Variants in CHLSN observed in about 807,000 individuals in gnomAD.
The protein encoded by CHLSN is protein cholesin.
the CHLSN span, among the ~76,000 whole-genome samples, chr7:990,578 T>A: frequency 1.3e-5 from 2 of 151,982 alleles, no homozygotes; most frequent in African/African-American, 4.8e-5. Context: ...ACGGCAGGCC[T>A]CACACTCCCA....
chr7:1,098,029 G>C, the CHLSN span, among the ~76,000 whole-genome samples: 20 of 152,304 alleles, frequency 1.3e-4, no homozygotes, highest in African/African-American at 4.6e-4. Context: ...AGAGCGTCGT[G>C]AAGGATTTTA....
At chr7:1,049,786 G>C in the CHLSN span, among the ~76,000 whole-genome samples, 1 of 152,220 alleles carries the variant, frequency 6.6e-6, no homozygotes. Context: ...AACAGTTTTA[G>C]GACTGTTTTC....
chr7:1,113,331 C>T, the CHLSN span, among the ~76,000 whole-genome samples: 1 of 152,162 alleles, frequency 6.6e-6, no homozygotes, highest in Non-Finnish European at 1.5e-5. Context: ...TTCACACTGT[C>T]CCCCAGCAAC....
At chr7:987,644 C>T in the CHLSN span, 5 of 1,088,218 alleles carry the variant, frequency 4.6e-6, no homozygotes, top group Non-Finnish European at 6.3e-6. Context: ...CCCAGCGCTC[C>T]CCGACCGGAG....
chr7:1,042,015 C>G, the CHLSN span, among the ~76,000 whole-genome samples: 1 of 152,170 alleles, frequency 6.6e-6, no homozygotes, highest in African/African-American at 2.4e-5. Flanking sequence ...TGCATCACAG[C>G]AGCCTCGGCA....
the CHLSN span, among the ~76,000 whole-genome samples, chr7:1,102,672 G>A: frequency 3.9e-4 from 60 of 152,202 alleles, 1 homozygote; most frequent in Non-Finnish European, 2.9e-5. Context: ...GGGCGACCTG[G>A]AGAACAGGTG....
At chr7:1,021,329 G>A in the CHLSN span, 6 of 970,224 alleles carry the variant, frequency 6.2e-6, no homozygotes, top group African/African-American at 7.0e-5. Flanking sequence ...TTCTTCCCCA[G>A]AAGCCTTTTC....
the CHLSN span, among the ~76,000 whole-genome samples, chr7:1,115,577 C>T: frequency 3.0e-5 from 4 of 134,612 alleles, no homozygotes; most frequent in South Asian, 2.5e-4. Context: ...CCATCACCAA[C>T]GCCCAGGCAG....
At chr7:1,126,907 T>C in the CHLSN span, among the ~76,000 whole-genome samples, 6,227 of 152,206 alleles carry the variant, frequency 0.041, 319 homozygotes, top group African/African-American at 0.12. Context: ...CCTCTGCACA[T>C]GCCCAGGTGA....
chr7:984,034 G>A, the CHLSN span, among the ~76,000 whole-genome samples: 1 of 152,198 alleles, frequency 6.6e-6, no homozygotes, highest in Admixed American at 6.5e-5. Flanking sequence ...ACGGATCAGG[G>A]TCTCTGGGGG....
the CHLSN span, chr7:1,026,614 T>G: frequency 6.6e-6 from 1 of 152,234 alleles, no homozygotes; most frequent in Non-Finnish European, 1.5e-5. Context: ...GGCTCACAGT[T>G]GCTCCCCATT....
the CHLSN span, among the ~76,000 whole-genome samples, chr7:1,079,788 C>T: frequency 3.9e-5 from 6 of 152,350 alleles, no homozygotes; most frequent in African/African-American, 1.4e-4. Flanking sequence ...ACTGGAGTCC[C>T]CGGCCTCCCA....
chr7:1,028,184 G>C, the CHLSN span: 1 of 961,430 alleles, frequency 1.0e-6, no homozygotes, highest in Admixed American at 6.2e-5. Context: ...TGTCGCCGCG[G>C]GGCGGGGCTG....
chr7:1,011,507 T>A, the CHLSN span, among the ~76,000 whole-genome samples: 3 of 124,772 alleles, frequency 2.4e-5, no homozygotes, highest in Non-Finnish European at 3.3e-5. Flanking sequence ...CCAGACACCC[T>A]GACACACCCA....
At chr7:1,008,940 C>T in the CHLSN span, among the ~76,000 whole-genome samples, 8 of 149,010 alleles carry the variant, frequency 5.4e-5, no homozygotes, top group African/African-American at 1.5e-4. Context: ...TACATGCACA[C>T]GCACACCCCC....
chr7:1,021,059 C>T, the CHLSN span, among the ~76,000 whole-genome samples: 5 of 148,342 alleles, frequency 3.4e-5, no homozygotes, highest in Non-Finnish European at 7.6e-5. Context: ...GGCCTCCAGG[C>T]TGGGGACCTT....
the CHLSN span, among the ~76,000 whole-genome samples, chr7:1,019,673 G>C: frequency 6.6e-6 from 1 of 152,246 alleles, no homozygotes; most frequent in Admixed American, 6.5e-5. Context: ...AGAACCTCCA[G>C]GCCCATCACC....
chr7:997,464 C>T, the CHLSN span: 1 of 599,158 alleles, frequency 1.7e-6, no homozygotes, highest in African/African-American at 2.0e-5. Context: ...TTGCGAGGCT[C>T]TGGTGCTGGT....
the CHLSN span, among the ~76,000 whole-genome samples, chr7:1,021,107 G>A: frequency 6.6e-6 from 1 of 151,552 alleles, no homozygotes; most frequent in African/African-American, 2.4e-5. Flanking sequence ...TCGCAGCAGG[G>A]AACTCCAGGT....
Sources: gnomAD v4.1 joint callset for allele counts (sites outside exome capture counted in the v4.1 genomes callset) on GRCh38, gnomAD v4.1.1 for gene constraint, MANE v1.5 for transcripts, NCBI Gene and HGNC (gene_info 2026-07-23, HGNC 2026-07-21) for gene names.